SANBR: variants seen among roughly 807,000 people sequenced by gnomAD.
The protein encoded by SANBR is SANT and BTB domain regulator of CSR, also known as SANT and BTB domain regulator of class switch recombination.
In SANBR, 77 loss-of-function variants were observed where a neutral mutation model predicts 101.8. The observed-to-expected ratio is 0.76, with a 90% CI of 0.63 to 0.91. SANBR has a LOEUF of 0.91. Among genes scored for constraint, SANBR ranks in the 40% least tolerant of loss-of-function variants. The pLI is 0.00. For missense variants in SANBR, 875 were observed against 853.0 expected, an observed-to-expected ratio of 1.03 and a Z score of -0.32; for synonymous variants, 279 against 274.7, an observed-to-expected ratio of 1.02 and a Z score of -0.15.
At chr2:61,130,263 G>A (rs1214839724) in intron 20 of SANBR, among the ~76,000 whole-genome samples, 1 of 152,062 alleles carries the variant, frequency 6.6e-6, no homozygotes, top group African/African-American at 2.4e-5. Context: ...AGTTTATAAA[G>A]GTGTACTGTG....
chr2:61,068,075 CA>C (rs1681273252), intron 1 of SANBR, among the ~76,000 whole-genome samples: 1 of 152,164 alleles, frequency 6.6e-6, no homozygotes, highest in South Asian at 2.1e-4. Flanking sequence ...CCTTGCTGGT[CA>C]CACTTTTGGG....
chr2:61,134,681 TC>T (rs1186904608), intron 21 of SANBR, among the ~76,000 whole-genome samples: 2 of 152,014 alleles, frequency 1.3e-5, no homozygotes, highest in Non-Finnish European at 2.9e-5. Flanking sequence ...GATCACAACG[TC>T]AGGATTGAGA....
intron 16 of SANBR, among the ~76,000 whole-genome samples, chr2:61,110,234 T>G (rs1170029493): frequency 6.6e-6 from 1 of 152,146 alleles, no homozygotes; most frequent in Non-Finnish European, 1.5e-5. Flanking sequence ...TGGTATTCCA[T>G]TATACTACTT....
At chr2:61,088,117 G>C (rs1314497872) in intron 8 of SANBR, 42 bp from the exon 9 acceptor site, 1 of 1,059,656 alleles carries the variant, frequency 9.4e-7, no homozygotes, top group South Asian at 1.4e-5. Context: ...TCACTATAAA[G>C]TAGTGTAGAA....
chr2:61,091,246 C>G (rs1300483383), intron 10 of SANBR, among the ~76,000 whole-genome samples: 1 of 151,982 alleles, frequency 6.6e-6, no homozygotes, highest in Non-Finnish European at 1.5e-5. Flanking sequence ...GAGTTTAAGA[C>G]CAGCCTGGGC....
rs1371270229 is a variant in SANBR at position 61,077,123 on chromosome 2, C to T, written c.635C>T (p.Thr212Ile). ...NWLIKYIKRN[T>I]KENKDCEMPT... ...TTGATAAAATACATTAAAAGGAACA[C>T]TAAGGAGAATAAAGATTGTGAGATG... The change falls in exon 6 of 22, where the codon ACT becomes ATT. Residue 212 changes from threonine (T) to isoleucine (I), a missense_variant. Coordinates refer to ENST00000402291, the MANE Select transcript of SANBR (RefSeq NM_001129993.3). 6.2e-7 allele frequency: 1 copy of T among 1,612,288 alleles called. No homozygotes were observed. Among genetic ancestry groups the T allele is most frequent in the Non-Finnish European group, 8.5e-7 (1 of 1,178,520 alleles).
At chr2:61,118,552 G>C (rs1684188963) in intron 20 of SANBR, among the ~76,000 whole-genome samples, 1 of 148,502 alleles carries the variant, frequency 6.7e-6, no homozygotes, top group South Asian at 2.1e-4. Flanking sequence ...AATATATGTG[G>C]GGGTTTTTTG....
At chr2:61,069,839 T>A (rs1168619879) in intron 2 of SANBR, 1 of 152,482 alleles carries the variant, frequency 6.6e-6, no homozygotes, top group East Asian at 1.9e-4. Context: ...CTTAATTGAA[T>A]CATAACTAAC....
rs188277876 is a variant in SANBR at position 61,116,062 on chromosome 2, T to C, written c.1828T>C (p.Leu610=). ...SPCAQRKEKA[L]EKSASRDVSP... is the part of the protein sequence containing the mutation. The stretch of plus-strand genomic sequence containing the variant: ...CTGTGCCCAGAGGAAAGAAAAGGCA[T>C]TGGAGAAGGTAACTCTGAATTATCT... Residue 610 remains leucine, a synonymous_variant, in exon 17 of 22, where the codon TTG becomes CTG. Coordinates refer to ENST00000402291, the MANE Select transcript of SANBR (RefSeq NM_001129993.3). 280 of 1,602,602 alleles carry C rather than the reference T, an allele frequency of 1.7e-4. 1 individual carries two copies. The East Asian group carries it at 4.4e-3, about 25-fold the overall frequency.
At chr2:61,073,000 CTCTT>C (rs1324720046) in intron 4 of SANBR, among the ~76,000 whole-genome samples, 1 of 151,868 alleles carries the variant, frequency 6.6e-6, no homozygotes, top group Admixed American at 6.6e-5. Context: ...CCTACAGCCA[CTCTT>C]TATTATAGTC....
intron 11 of SANBR, among the ~76,000 whole-genome samples, chr2:61,095,520 A>AATGGGAT (rs1212555765): frequency 1.3e-5 from 2 of 152,342 alleles, no homozygotes; most frequent in African/African-American, 4.8e-5. Context: ...ATTGCTTATC[A>AATGGGAT]AATAGCAACT....
chr2:61,092,105 G>T (rs1385647139), intron 10 of SANBR, among the ~76,000 whole-genome samples: 1 of 152,086 alleles, frequency 6.6e-6, no homozygotes, highest in Non-Finnish European at 1.5e-5. Context: ...CCAACTCTTG[G>T]CCTGTTCAAA....
At chr2:61,073,054 G>A (rs1456905711) in intron 4 of SANBR, among the ~76,000 whole-genome samples, 4 of 151,684 alleles carry the variant, frequency 2.6e-5, no homozygotes, top group Non-Finnish European at 4.4e-5. Flanking sequence ...GGTAAAAGAT[G>A]TTTTCTGCAA....
At chr2:61,081,405 A>G (rs758159423) in intron 6 of SANBR, 47 bp from the exon 7 acceptor site, 11 of 1,544,646 alleles carry the variant, frequency 7.1e-6, no homozygotes, top group Middle Eastern at 1.8e-4. Flanking sequence ...TTCAGAGGAG[A>G]TTGGGGTACC....
intron 10 of SANBR, chr2:61,088,797 G>T (rs1481814899): frequency 3.3e-6 from 3 of 916,636 alleles, no homozygotes; most frequent in African/African-American, 1.8e-5. Flanking sequence ...GGGATTATAG[G>T]TGTGAGCCAC....
intron 20 of SANBR, among the ~76,000 whole-genome samples, chr2:61,119,075 A>G (rs543907503): frequency 1.2e-4 from 19 of 152,262 alleles, no homozygotes; most frequent in African/African-American, 3.9e-4. Flanking sequence ...GAAAGTACCA[A>G]TTTTCATCAA....
At chr2:61,088,579 G>GCACTATC in intron 10 of SANBR, 111 bp downstream of exon 10, 1 of 680,110 alleles carries the variant, frequency 1.5e-6, no homozygotes, top group Non-Finnish European at 2.3e-6. Flanking sequence ...GCGTGCAGTG[G>GCACTATC]TGTGGTCTTG....
At chr2:61,115,881 A>G (rs1684056888) in intron 16 of SANBR, 98 bp from the exon 17 acceptor site, 1 of 682,974 alleles carries the variant, frequency 1.5e-6, no homozygotes, top group East Asian at 2.7e-5. Flanking sequence ...GTTTTCTTAA[A>G]ACAATGTTTT....
intron 20 of SANBR, chr2:61,133,992 A>G: frequency 1.6e-6 from 2 of 1,254,390 alleles, no homozygotes; most frequent in South Asian, 2.9e-5. Flanking sequence ...ATTGCATCAA[A>G]TTGCATTTGG....
Sources: allele counts gnomAD v4.1 joint callset (sites outside exome capture counted in the v4.1 genomes callset), GRCh38; gene constraint gnomAD v4.1.1; transcripts MANE v1.5; gene names NCBI Gene and HGNC (gene_info 2026-07-23, HGNC 2026-07-21).